AKR1C2: variants seen among roughly 807,000 people sequenced by gnomAD.
AKR1C2 encodes the protein 3-alpha-HSD3.
Under a neutral mutation model 39.8 loss-of-function variants are expected in AKR1C2, and 27 were observed. That is an observed-to-expected ratio of 0.68 (90% CI 0.50 to 0.93). AKR1C2 has a LOEUF of 0.93. AKR1C2 is among the 40% of genes least tolerant of loss of function. The pLI, the probability that AKR1C2 is intolerant of heterozygous loss-of-function variation, is 0.00. For missense variants in AKR1C2, 263 were observed against 365.1 expected (o/e 0.72, Z 2.28); for synonymous variants, 114 against 137.9 (o/e 0.83, Z 1.22).
Position 5,000,668 on chromosome 10 carries a change from T to C in AKR1C2, c.253-2A>G. 1 of 1,611,976 alleles carries C rather than the reference T, an allele frequency of 6.2e-7. No homozygotes were observed. The highest frequency in any genetic ancestry group is 8.5e-7 in the Non-Finnish European group (1 of 1,179,310). ...TGGTCGATGGGAATTGCTCCAAAGC[T>C]GCAGAGGTTAGAGAAACGAAGTTGT... On this transcript the variant is annotated splice_acceptor_variant, in intron 2 of 8. Transcript: ENST00000380753. LOFTEE classifies it high-confidence loss of function.
chr10:5,017,991 A>G (rs1245302586), upstream of AKR1C2: 1 of 152,248 alleles, frequency 6.6e-6, no homozygotes, highest in African/African-American at 2.4e-5. Flanking sequence ...TGGAGGTGCT[A>G]CACACTTTCA....
Position 5,000,531 on chromosome 10 carries a change from G to C in AKR1C2, c.369+19C>G, listed in dbSNP as rs1345010328. On this transcript the variant is annotated intron_variant, in intron 3 of 8. Coordinates refer to ENST00000380753, the MANE Select transcript of AKR1C2 (RefSeq NM_001393392.1). The stretch of plus-strand genomic sequence containing the variant: ...CTGAGAACAAAAGTGAAATTAATTT[G>C]ATCACACAAGCTGCCTACCTTTACA... The C allele has an allele frequency of 2.5e-6, 4 of 1,613,222 alleles. No individual in the cohort carries two copies. The East Asian group carries it at 6.7e-5, about 27-fold the overall frequency.
chr10:4,989,988 C>T lies in AKR1C2; in HGVS notation c.*8G>A. Reference sequence around the variant, plus strand: ...CCTTCTGGCAGACCTCATGCAATGCCCTCCATGTTAATATTCATCAGAAAA... The same window carrying T: ...CCTTCTGGCAGACCTCATGCAATGCTCTCCATGTTAATATTCATCAGAAAA... On this transcript the variant is annotated 3_prime_UTR_variant, in exon 9 of 9. Transcript: ENST00000380753. 2 of 1,609,998 alleles carry T rather than the reference C, an allele frequency of 1.2e-6. No individual in the cohort carries two copies. Among genetic ancestry groups the T allele is most frequent in the Non-Finnish European group, 1.7e-6 (2 of 1,177,852 alleles).
chr10:5,000,768 A>G (rs566907263), intron 2 of AKR1C2, 102 bp from the exon 3 acceptor site: 1 of 1,039,212 alleles, frequency 9.6e-7, no homozygotes, highest in Non-Finnish European at 1.4e-6. Flanking sequence ...TTCAAAACTA[A>G]TGACCACAGG....
intron 1 of AKR1C2, among the ~76,000 whole-genome samples, chr10:5,003,357 A>G (rs11819371): frequency 0.071 from 10,549 of 148,048 alleles, 343 homozygotes; most frequent in Middle Eastern, 0.11. Context: ...TACTCTCCCA[A>G]CAGATTTCAT....
At chr10:4,999,877 G>C (rs562978471) in intron 3 of AKR1C2, 718 of 866,124 alleles carry the variant, frequency 8.3e-4, no homozygotes, top group Admixed American at 1.2e-3. Flanking sequence ...AGATAAGGGT[G>C]GAGAAAGGAT....
rs1438044857 is a variant in AKR1C2, at chr10:4,988,800, A to G, written c.*1196T>C. 1 of 151,348 alleles carries G rather than the reference A, an allele frequency of 6.6e-6. No individual in the cohort carries two copies. Among genetic ancestry groups the G allele is most frequent in the Non-Finnish European group, 1.5e-5 (1 of 67,758 alleles). The allele number at this position is 151,348 out of a possible 1,614,324, so 9.4% of individuals were successfully genotyped here. Reference sequence around the variant, plus strand: ...TCCCAAGTTTTCAAAAGTGTTTTCTAAAACGAAAATCATGTCTTCATGATT... The same window carrying G: ...TCCCAAGTTTTCAAAAGTGTTTTCTGAAACGAAAATCATGTCTTCATGATT... On this transcript the variant is annotated 3_prime_UTR_variant, in exon 9 of 9. Coordinates refer to ENST00000380753, the MANE Select transcript of AKR1C2 (RefSeq NM_001393392.1).
upstream of AKR1C2, among the ~76,000 whole-genome samples, chr10:5,004,377 T>C (rs1280834935): frequency 6.6e-6 from 1 of 152,228 alleles, no homozygotes; most frequent in Non-Finnish European, 1.5e-5. Flanking sequence ...ATCAGCAAAT[T>C]TATTGTTCCT....
chr10:4,996,549 T>A (rs1263623619), intron 5 of AKR1C2, among the ~76,000 whole-genome samples: 1 of 146,122 alleles, frequency 6.8e-6, no homozygotes, highest in Non-Finnish European at 1.5e-5. Flanking sequence ...ATATATATAA[T>A]ATATATATAT....
intron 2 of AKR1C2, 132 bp from the exon 3 acceptor site, chr10:5,000,798 C>G: frequency 1.4e-6 from 1 of 720,086 alleles, no homozygotes; most frequent in Non-Finnish European, 2.4e-6. Flanking sequence ...TCTCTCTCTT[C>G]TTGTGATGCC....
At chr10:5,009,719 G>C (rs1307367437) in intron 1 of AKR1C2, among the ~76,000 whole-genome samples, 1 of 152,000 alleles carries the variant, frequency 6.6e-6, no homozygotes, top group Non-Finnish European at 1.5e-5. Flanking sequence ...CCTCCATTCT[G>C]CCCTTATATA....
upstream of AKR1C2, chr10:5,006,606 C>G (rs1420655698): frequency 2.6e-5 from 4 of 151,694 alleles, no homozygotes; most frequent in Admixed American, 1.3e-4. Context: ...AAAAAAACAA[C>G]AACAAAAATA....
intron 3 of AKR1C2, chr10:4,999,962 T>G: frequency 1.0e-6 from 1 of 1,001,578 alleles, no homozygotes; most frequent in African/African-American, 1.7e-5. Flanking sequence ...TAATATACCC[T>G]TTTGCATTAA....
At chr10:5,000,165 C>G in intron 3 of AKR1C2, 1 of 1,343,422 alleles carries the variant, frequency 7.4e-7, no homozygotes, top group Non-Finnish European at 9.5e-7. Context: ...AAGATGGAAA[C>G]TCATTGTGCA....
At chr10:5,003,908 C>T, upstream of AKR1C2, 2 of 1,404,244 alleles carry the variant, frequency 1.4e-6, no homozygotes, top group Admixed American at 3.4e-5. Flanking sequence ...CTGGCAACGC[C>T]CCTGAGCACA....
upstream of AKR1C2, among the ~76,000 whole-genome samples, chr10:5,005,116 A>G (rs1437969010): frequency 6.6e-6 from 1 of 152,148 alleles, no homozygotes; most frequent in East Asian, 1.9e-4. Context: ...GCAATAGTCC[A>G]TCTAAGCTAT....
chr10:5,016,564 G>T (rs782288885), intron 1 of AKR1C2, among the ~76,000 whole-genome samples: 1 of 152,188 alleles, frequency 6.6e-6, no homozygotes, highest in Non-Finnish European at 1.5e-5. Flanking sequence ...GCTATACAGG[G>T]TAAAGGCCCC....
rs782335689 is a variant in AKR1C2 at position 5,000,654 on chromosome 10, A to C, written c.265T>G (p.Ser89Ala). ...GGTCGGACCAACTCTGGTCGATGGG[A>C]ATTGCTCCAAAGCTGCAGAGGTTAG... The part of the protein sequence containing the change: ...IFYTSKLWSN[S>A]HRPELVRPAL... The change falls in exon 3 of 9, where the codon TCC (serine) becomes GCC (alanine). Residue 89 changes from serine (S) to alanine (A), a missense_variant. Coordinates refer to ENST00000380753, the MANE Select transcript of AKR1C2 (RefSeq NM_001393392.1). 1 of 1,613,692 alleles carries C rather than the reference A, an allele frequency of 6.2e-7. No homozygotes were observed. The highest frequency in any genetic ancestry group is 1.1e-5 in the South Asian group (1 of 90,948).
At chr10:5,000,341 C>T (rs1487305240) in intron 3 of AKR1C2, 6 of 1,535,904 alleles carry the variant, frequency 3.9e-6, no homozygotes, top group South Asian at 2.5e-5. Flanking sequence ...ATTCTGCACT[C>T]TCTTTTCTTG....
Sources: allele counts gnomAD v4.1 joint callset (sites outside exome capture counted in the v4.1 genomes callset), GRCh38; gene constraint gnomAD v4.1.1; transcripts MANE v1.5; gene names NCBI Gene and HGNC (gene_info 2026-07-23, HGNC 2026-07-21).